GNAS: variants seen among roughly 807,000 people sequenced by gnomAD.
The protein encoded by GNAS is protein ALEX.
GNAS carries 8 observed loss-of-function variants against 54.5 expected under a neutral mutation model. The observed-to-expected ratio is 0.15, with a 90% CI of 0.09 to 0.26. The LOEUF (loss-of-function observed/expected upper bound fraction) is 0.26. Ranked by LOEUF, GNAS falls within the 10% of genes least tolerant of loss-of-function variation. The pLI, the probability that GNAS is intolerant of heterozygous loss-of-function variation, is 1.00. For synonymous variants in GNAS, 204 were observed against 191.4 expected (o/e 1.07, Z -0.54); for missense variants, 170 against 529.8 (o/e 0.32, Z 6.67).
chr20:58,865,124 T>C (rs2086980998), intron 1 of GNAS, among the ~76,000 whole-genome samples: 1 of 151,956 alleles, frequency 6.6e-6, no homozygotes. Context: ...ATCTTAAAAA[T>C]ATATATATTG....
chr20:58,893,955 A>G (rs1263254508), intron 1 of GNAS, among the ~76,000 whole-genome samples: 7 of 152,092 alleles, frequency 4.6e-5, no homozygotes, highest in Admixed American at 6.5e-5. Flanking sequence ...ATATGACTAC[A>G]TTACATCATG....
In GNAS at chr20:58,903,540, A is replaced by C; in HGVS notation, c.267A>C (p.Ala89=). The change falls in exon 4 of 13, where the codon GCA becomes GCC. Residue 89 remains alanine (A), a synonymous_variant. Coordinates refer to ENST00000371085, the MANE Select transcript of GNAS (RefSeq NM_000516.7). ...AARSNSDGEK[A]TKVQDIKNNL... ...TTCAATCCCACTGCAGTGAGAAGGCAACCAAAGTGCAGGACATCAAAAACA... is the reference window on the plus strand; with the variant it reads ...TTCAATCCCACTGCAGTGAGAAGGCCACCAAAGTGCAGGACATCAAAAACA... 1 of 1,613,978 alleles carries C rather than the reference A, an allele frequency of 6.2e-7. No homozygotes were observed. The highest frequency in any genetic ancestry group is 8.5e-7 in the Non-Finnish European group (1 of 1,179,860).
upstream of GNAS, chr20:58,840,503 C>T (rs764801567): frequency 2.2e-5 from 36 of 1,613,238 alleles, no homozygotes; most frequent in South Asian, 8.8e-5. This position sits in a 1 kb window ranked among gnomAD's most constrained non-coding sequence, Gnocchi z 6.0. Flanking sequence ...TGAGACCGCC[C>T]CCACCACTGA....
chr20:58,889,074 C>T, upstream of GNAS: 1 of 1,021,314 alleles, frequency 9.8e-7, no homozygotes, highest in Non-Finnish European at 1.2e-6. Context: ...CGATTTTTCG[C>T]GCTTCCCCTT....
chr20:58,892,008 G>A (rs2089434861), intron 1 of GNAS, 143 bp downstream of exon 1: 1 of 784,176 alleles, frequency 1.3e-6, no homozygotes, highest in Non-Finnish European at 1.5e-6. Flanking sequence ...TGTGGGGGGC[G>A]AGGCCGGAAG....
At chr20:58,878,053 T>TC (rs761961431) in intron 1 of GNAS, among the ~76,000 whole-genome samples, 1 of 152,212 alleles carries the variant, frequency 6.6e-6, no homozygotes, top group Non-Finnish European at 1.5e-5. Flanking sequence ...TTCACCTCCC[T>TC]CCTTGGTTTT....
In GNAS at chr20:58,841,445, G is replaced by C. The variant is rs1363874022; in HGVS notation, c.43+559G>C. ...ACCACCCGGGAGGGAAGTCACGCGC[G>C]CGCGGCGCCTAAGCAGCTCAGAGCC... is the stretch of plus-strand genomic sequence containing the variant. On this transcript the variant is annotated intron_variant, in intron 1 of 12. Transcript: ENST00000306090. The surrounding 1 kb of genome is among the most constrained non-coding windows in gnomAD (Gnocchi z 5.0). 1.0e-6 allele frequency: 1 copy of C among 993,644 alleles called. No individual in the cohort carries two copies. The highest frequency in any genetic ancestry group is 1.7e-5 in the African/African-American group (1 of 57,366). 61.6% of individuals were successfully genotyped at this position (993,644 alleles called of 1,614,324 possible). A position where few individuals can be genotyped will look rare whatever the true frequency, so the allele number is the denominator to read the frequency against.
chr20:58,899,196 A>G (rs2090363452), intron 3 of GNAS, among the ~76,000 whole-genome samples: 1 of 152,270 alleles, frequency 6.6e-6, no homozygotes, highest in Non-Finnish European at 1.5e-5. Flanking sequence ...CCATGCTTAA[A>G]GTAGAATGAG....
chr20:58,896,240 C>G (rs1423384939), intron 2 of GNAS, among the ~76,000 whole-genome samples: 1 of 151,648 alleles, frequency 6.6e-6, no homozygotes, highest in Admixed American at 6.6e-5. Flanking sequence ...TTTTTTTGTC[C>G]CCCTTTAAAT....
chr20:58,855,368 C>T, intron 1 of GNAS: 2 of 1,545,450 alleles, frequency 1.3e-6, no homozygotes, highest in South Asian at 2.4e-5. Context: ...GGCAGCAGGG[C>T]CGCCGGGGAA....
Position 58,840,923 on chromosome 20 carries a change from C to T in GNAS, c.43+37C>T, listed in dbSNP as rs765578743. On this transcript the variant is annotated intron_variant, in intron 1 of 12. Coordinates refer to the GNAS transcript ENST00000306090. The surrounding 1 kb of genome is among the most constrained non-coding windows in gnomAD (Gnocchi z 6.0). ...ACCGCTAAACTGGGGAGCCTGAGGG[C>T]GGTGTGGGAGCAGCGCAGGTGGAAA... 4 of 1,607,018 alleles carry T rather than the reference C, an allele frequency of 2.5e-6. No individual in the cohort carries two copies. Among genetic ancestry groups the T allele is most frequent in the African/African-American group, 1.3e-5 (1 of 74,732 alleles).
At chr20:58,852,745 G>A (rs1383993338) in intron 1 of GNAS, 2 of 214,656 alleles carry the variant, frequency 9.3e-6, no homozygotes, top group Non-Finnish European at 1.9e-5. Flanking sequence ...GAGAGGAGTG[G>A]AAGGAGCCAA....
chr20:58,853,343 C>T lies in GNAS; in HGVS notation c.43+12457C>T. The T allele has an allele frequency of 1.3e-6, 2 of 1,551,334 alleles. No homozygotes were observed. The highest frequency in any genetic ancestry group is 2.4e-5 in the East Asian group (1 of 40,930). On this transcript the variant is annotated intron_variant, in intron 1 of 12. Transcript: ENST00000306090. The surrounding 1 kb of genome is among the most constrained non-coding windows in gnomAD (Gnocchi z 4.4). ...TCCCCCCTGAAATCGGGGAACAGCC[C>T]GAGCAACCACCTTTGGAGGCCCCAG...
upstream of GNAS, chr20:58,889,667 C>A (rs1162683117): frequency 1.3e-5 from 2 of 151,678 alleles, no homozygotes; most frequent in African/African-American, 4.8e-5. Flanking sequence ...GTCCCTTTTT[C>A]GTTTGCTCAT....
chr20:58,861,968 G>C (rs1475223543), intron 1 of GNAS, among the ~76,000 whole-genome samples: 1 of 152,058 alleles, frequency 6.6e-6, no homozygotes, highest in Non-Finnish European at 1.5e-5. Context: ...GCCACCCAAA[G>C]TGCTGGGATT....
chr20:58,855,376 G>T (rs2086431418), intron 1 of GNAS: 1 of 1,530,684 alleles, frequency 6.5e-7, no homozygotes, highest in Non-Finnish European at 8.8e-7. Context: ...GGCCGCCGGG[G>T]AACCGGGGAG....
upstream of GNAS, chr20:58,888,549 AG>A (rs2088770112): frequency 2.6e-5 from 4 of 152,246 alleles, no homozygotes; most frequent in Admixed American, 1.3e-4. Flanking sequence ...TCTGTTCCAG[AG>A]CCCCCAGGGC....
chr20:58,902,629 T>C (rs193129426), intron 3 of GNAS, among the ~76,000 whole-genome samples: 4 of 152,110 alleles, frequency 2.6e-5, no homozygotes, highest in Admixed American at 6.6e-5. Context: ...TGGAATCTTA[T>C]TTGATTCCTA....
chr20:58,852,977 C>T (rs1362750337), intron 1 of GNAS: 3 of 1,178,952 alleles, frequency 2.5e-6, no homozygotes, highest in East Asian at 3.9e-5. Flanking sequence ...GAGAGGAGGG[C>T]GTAAGGATAG....
Sources: allele counts gnomAD v4.1 joint callset (sites outside exome capture counted in the v4.1 genomes callset), GRCh38; gene constraint gnomAD v4.1.1; non-coding constraint Gnocchi (gnomAD v3.1); transcripts MANE v1.5; gene names NCBI Gene and HGNC (gene_info 2026-07-23, HGNC 2026-07-21).